Variants in SLC8A1 observed in about 807,000 individuals in gnomAD.
SLC8A1 encodes the protein sodium/calcium exchanger 1.
Under a neutral mutation model 68.3 loss-of-function variants are expected in SLC8A1, and 18 were observed. The observed-to-expected ratio is 0.26, with a 90% CI of 0.18 to 0.39. SLC8A1 has a LOEUF of 0.39. SLC8A1 is among the 10% of genes least tolerant of loss of function. The pLI is 1.00. For missense variants in SLC8A1, 985 were observed against 1,156.7 expected (o/e 0.85, Z 2.15); for synonymous variants, 475 against 415.5 (o/e 1.14, Z -1.74).
upstream of SLC8A1, among the ~76,000 whole-genome samples, chr2:40,452,780 C>T (rs1417415643): frequency 2.7e-5 from 4 of 150,890 alleles, no homozygotes; most frequent in African/African-American, 7.3e-5. Flanking sequence ...GGGTGTCCCC[C>T]GGCCAAGAAC....
At chr2:40,459,541 T>C (rs544368748) in intron 1 of SLC8A1, among the ~76,000 whole-genome samples, 6 of 152,290 alleles carry the variant, frequency 3.9e-5, no homozygotes, top group Non-Finnish European at 5.9e-5. Flanking sequence ...CCAAGAGTTG[T>C]TTCAAAAAGA....
At chr2:40,438,829 G>C (rs1228269560) in intron 1 of SLC8A1, among the ~76,000 whole-genome samples, 3 of 152,120 alleles carry the variant, frequency 2.0e-5, no homozygotes, top group African/African-American at 4.8e-5. Flanking sequence ...CCAGGTGATT[G>C]TCATGTAGGT....
intron 1 of SLC8A1, among the ~76,000 whole-genome samples, chr2:40,492,555 G>A (rs1245026189): frequency 3.3e-5 from 5 of 151,150 alleles, no homozygotes; most frequent in African/African-American, 1.2e-4. Context: ...GAGTGAACAG[G>A]CAACCTACAA....
chr2:40,428,980 C>T, exon 2 of SLC8A1: 2 of 1,613,844 alleles, frequency 1.2e-6, no homozygotes, highest in Non-Finnish European at 1.7e-6. Flanking sequence ...AGTCAAATCA[C>T]CACCTCTGCG....
chr2:40,277,551 C>A (rs1426972495), intron 2 of SLC8A1, among the ~76,000 whole-genome samples: 3 of 151,262 alleles, frequency 2.0e-5, no homozygotes, highest in Admixed American at 6.6e-5. Context: ...AGAAAAAAAA[C>A]CAAAACAGAT....
intron 2 of SLC8A1, among the ~76,000 whole-genome samples, chr2:40,265,858 GA>G (rs370833680): frequency 2.9e-4 from 44 of 149,340 alleles, no homozygotes; most frequent in African/African-American, 7.8e-4. Flanking sequence ...CAGGCATAAA[GA>G]AAAAAAAAAT....
At chr2:40,212,213 G>C (rs2056708450) in intron 2 of SLC8A1, among the ~76,000 whole-genome samples, 1 of 150,116 alleles carries the variant, frequency 6.7e-6, no homozygotes, top group Non-Finnish European at 1.5e-5. Context: ...AGACTTTTAA[G>C]TCATAGTTCC....
intron 2 of SLC8A1, among the ~76,000 whole-genome samples, chr2:40,199,684 C>T (rs2053760409): frequency 6.6e-6 from 1 of 151,828 alleles, no homozygotes; most frequent in Non-Finnish European, 1.5e-5. Flanking sequence ...CAAAATTCCT[C>T]TCCTCATTTA....
chr2:40,435,160 A>C (rs1219499207), intron 1 of SLC8A1, among the ~76,000 whole-genome samples: 2 of 152,318 alleles, frequency 1.3e-5, no homozygotes, highest in East Asian at 3.9e-4. Flanking sequence ...GGCCTTCATC[A>C]GTACTTGGAA....
intron 6 of SLC8A1, among the ~76,000 whole-genome samples, chr2:40,156,731 C>T (rs542933756): frequency 6.6e-6 from 1 of 151,600 alleles, no homozygotes; most frequent in East Asian, 1.9e-4. Context: ...AAACAAATAT[C>T]TACTATATAA....
chr2:40,246,124 A>G (rs440155), intron 2 of SLC8A1, among the ~76,000 whole-genome samples: 21,113 of 152,200 alleles, frequency 0.14, 1,758 homozygotes, highest in Middle Eastern at 0.21. Context: ...GGCAATACTT[A>G]ATTTTTAAAC....
intron 6 of SLC8A1, among the ~76,000 whole-genome samples, chr2:40,151,748 T>C (rs935053837): frequency 2.0e-5 from 3 of 152,150 alleles, no homozygotes; most frequent in African/African-American, 7.2e-5. Context: ...AGTTGCAAGG[T>C]GACAAAAATT....
exon 8 of SLC8A1, chr2:40,097,555 T>C (rs2033645289): frequency 6.6e-6 from 1 of 151,962 alleles, no homozygotes; most frequent in Non-Finnish European, 1.5e-5. Flanking sequence ...TTACAACATA[T>C]CTCAGGCAGC....
intron 2 of SLC8A1, among the ~76,000 whole-genome samples, chr2:40,382,549 C>T (rs11691852): frequency 6.6e-6 from 1 of 152,124 alleles, no homozygotes; most frequent in East Asian, 1.9e-4. Context: ...ATAAACACTC[C>T]GTAAAGACTA....
intron 2 of SLC8A1, among the ~76,000 whole-genome samples, chr2:40,305,605 T>A (rs535819167): frequency 6.6e-6 from 1 of 152,280 alleles, no homozygotes; most frequent in South Asian, 2.1e-4. Flanking sequence ...CTCAATAAGT[T>A]TGTTAGATAC....
chr2:40,350,483 T>TA (rs1308864052), intron 2 of SLC8A1, among the ~76,000 whole-genome samples: 2 of 146,278 alleles, frequency 1.4e-5, no homozygotes, highest in African/African-American at 2.5e-5. Context: ...TCTGTCCCCC[T>TA]AAAAAAATGT....
intron 6 of SLC8A1, among the ~76,000 whole-genome samples, chr2:40,147,589 T>C (rs904312435): frequency 1.3e-5 from 2 of 152,168 alleles, no homozygotes; most frequent in African/African-American, 4.8e-5. Flanking sequence ...TGATAACACT[T>C]TGTAAATATC....
intron 2 of SLC8A1, among the ~76,000 whole-genome samples, chr2:40,392,030 T>C (rs979966095): frequency 6.1e-5 from 9 of 148,104 alleles, no homozygotes; most frequent in Admixed American, 4.8e-4. Flanking sequence ...TGCCTTCTCT[T>C]AAAAAAACAA....
intron 6 of SLC8A1, among the ~76,000 whole-genome samples, chr2:40,154,324 G>C (rs1216134883): frequency 2.2e-5 from 2 of 89,330 alleles, no homozygotes; most frequent in African/African-American, 4.4e-5. Context: ...TTTTTTTTGA[G>C]ACGGAGTCTT....
Sources: gnomAD v4.1 joint callset for allele counts (sites outside exome capture counted in the v4.1 genomes callset) on GRCh38, gnomAD v4.1.1 for gene constraint, MANE v1.5 for transcripts, NCBI Gene and HGNC (gene_info 2026-07-23, HGNC 2026-07-21) for gene names.